RB1: variants seen among roughly 807,000 people sequenced by gnomAD.
The protein encoded by RB1 is RB transcriptional corepressor 1.
RB1 carries 18 observed loss-of-function variants against 135.4 expected under a neutral mutation model. The ratio of observed to expected loss-of-function variants is 0.13; its 90% confidence interval spans 0.09 to 0.20. RB1 has a LOEUF of 0.20. RB1 is among the 10% of genes least tolerant of loss of function. The pLI is 1.00. For missense variants in RB1, 868 were observed against 1,110.0 expected (o/e 0.78, Z 3.10); for synonymous variants, 365 against 373.2 (o/e 0.98, Z 0.25).
intron 2 of RB1, chr13:48,318,405 T>C: frequency 6.7e-7 from 1 of 1,501,932 alleles, no homozygotes; most frequent in Non-Finnish European, 9.1e-7. Flanking sequence ...GATGGCCGTG[T>C]CCAGGTCCTC....
At chr13:48,458,518 C>A (rs1400249970) in intron 19 of RB1, among the ~76,000 whole-genome samples, 1 of 152,128 alleles carries the variant, frequency 6.6e-6, no homozygotes, top group Non-Finnish European at 1.5e-5. Context: ...TCGTTCCCAA[C>A]CAGCAGAATC....
At chr13:48,348,294 A>T (rs976738383) in intron 5 of RB1, among the ~76,000 whole-genome samples, 1 of 151,936 alleles carries the variant, frequency 6.6e-6, no homozygotes, top group African/African-American at 2.4e-5. Context: ...GCCCATGTAG[A>T]GCTCCAGAGT....
intron 23 of RB1, among the ~76,000 whole-genome samples, chr13:48,466,335 G>A (rs2138348216): frequency 1.6e-5 from 1 of 64,224 alleles, no homozygotes; most frequent in East Asian, 6.0e-4. Context: ...CAACAGACCT[G>A]CAGCTGAGGG....
chr13:48,340,213 G>T lies in RB1; in HGVS notation c.265-2386G>T, dbSNP rs1952430277. Among the ~76,000 whole-genome samples the T allele has an allele frequency of 2.0e-5, 3 of 151,998 alleles. No individual in the cohort carries two copies. In the South Asian group the frequency reaches 6.2e-4, roughly 32 times the overall value. On this transcript the variant is annotated intron_variant, in intron 2 of 26. Transcript: ENST00000267163. ...CATAGGAGAAAGTCTTAATGAGCTT[G>T]GGTTAGGCAAAGATTTCATAGATAC... is the stretch of plus-strand genomic sequence containing the variant.
At chr13:48,335,933 T>TG (rs1566183892) in intron 2 of RB1, among the ~76,000 whole-genome samples, 1 of 150,948 alleles carries the variant, frequency 6.6e-6, no homozygotes, top group African/African-American at 2.4e-5. Context: ...AAGAGAATGG[T>TG]GGGAAAAAAG....
intron 26 of RB1, among the ~76,000 whole-genome samples, chr13:48,479,138 G>GAA (rs1252561242): frequency 6.6e-6 from 1 of 151,816 alleles, no homozygotes; most frequent in African/African-American, 2.4e-5. Context: ...TGAGGTGAGA[G>GAA]AATTGCTTGA....
At chr13:48,457,146 T>G (rs1949365517) in intron 19 of RB1, among the ~76,000 whole-genome samples, 1 of 152,178 alleles carries the variant, frequency 6.6e-6, no homozygotes, top group Non-Finnish European at 1.5e-5. Context: ...GGAGATTTAT[T>G]GAGCAATAGA....
chr13:48,416,458 G>T (rs1381639909), intron 17 of RB1: 1 of 152,464 alleles, frequency 6.6e-6, no homozygotes, highest in Non-Finnish European at 1.5e-5. Flanking sequence ...ATTCCCTCGG[G>T]TGCCTACACC....
intron 10 of RB1, 61 bp downstream of exon 10, chr13:48,367,664 A>C: frequency 6.4e-7 from 1 of 1,551,510 alleles, no homozygotes; most frequent in South Asian, 1.1e-5. Context: ...TGATATAGGT[A>C]GATTATATAG....
At chr13:48,458,029 A>G (rs1027809647) in intron 19 of RB1, among the ~76,000 whole-genome samples, 1 of 152,142 alleles carries the variant, frequency 6.6e-6, no homozygotes, top group African/African-American at 2.4e-5. Context: ...GAGCACAGGG[A>G]TGCCTGGGTC....
chr13:48,317,379 CAG>C (rs1348051702), intron 2 of RB1: 2 of 378,416 alleles, frequency 5.3e-6, no homozygotes, highest in African/African-American at 2.1e-5. Context: ...TTTCCGAGCG[CAG>C]CGCGCACGGG....
chr13:48,400,718 T>A (rs151164259), intron 17 of RB1, among the ~76,000 whole-genome samples: 1 of 152,130 alleles, frequency 6.6e-6, no homozygotes, highest in Non-Finnish European at 1.5e-5. Context: ...TCAGGTTTCC[T>A]TGTATGTAAA....
chr13:48,366,429 G>A (rs1952699006), intron 9 of RB1, among the ~76,000 whole-genome samples: 1 of 152,156 alleles, frequency 6.6e-6, no homozygotes, highest in Non-Finnish European at 1.5e-5. Context: ...GAAGATTAAT[G>A]AAAAGTTTGC....
intron 6 of RB1, among the ~76,000 whole-genome samples, chr13:48,356,067 G>A (rs1488412011): frequency 6.6e-6 from 1 of 151,976 alleles, no homozygotes; most frequent in Non-Finnish European, 1.5e-5. Context: ...GAGTGTAATT[G>A]GATTGTTTGT....
intron 2 of RB1, among the ~76,000 whole-genome samples, chr13:48,309,331 G>A (rs1005407062): frequency 4.6e-5 from 7 of 152,084 alleles, no homozygotes; most frequent in Non-Finnish European, 7.4e-5. Context: ...TTAACACAGC[G>A]GAATGTGTTT....
chr13:48,392,812 ATTTT>A (rs1948621442), intron 17 of RB1, among the ~76,000 whole-genome samples: 1 of 149,352 alleles, frequency 6.7e-6, no homozygotes, highest in Non-Finnish European at 1.5e-5. Context: ...CTGCTTGGTG[ATTTT>A]TTTGTTAGGT....
intron 2 of RB1, chr13:48,328,230 T>C: frequency 6.9e-7 from 1 of 1,452,230 alleles, no homozygotes; most frequent in East Asian, 2.3e-5. Flanking sequence ...CATCCTCATC[T>C]TTGCTTCTGG....
Position 48,364,815 on chromosome 13 carries a change from A to G in RB1, c.862-79A>G, listed in dbSNP as rs527423653. On this transcript the variant is annotated intron_variant, in intron 8 of 26. Coordinates refer to ENST00000267163, the MANE Select transcript of RB1 (RefSeq NM_000321.3). ...CATGGGGGATTGACACCTCTAACTT[A>G]CCCTGCATTGTTCAAGAGTCAAGAG... The G allele has an allele frequency of 7.6e-5, 113 of 1,491,378 alleles. 2 individuals carry two copies. The South Asian group carries it at 1.3e-3, about 18-fold the overall frequency. 92.4% of individuals were successfully genotyped at this position (1,491,378 alleles called of 1,614,324 possible). A position where few individuals can be genotyped will look rare whatever the true frequency, so the allele number is the denominator to read the frequency against.
At chr13:48,353,763 T>G (rs1202017823) in intron 6 of RB1, among the ~76,000 whole-genome samples, 1 of 152,162 alleles carries the variant, frequency 6.6e-6, no homozygotes, top group Non-Finnish European at 1.5e-5. Flanking sequence ...GTGGGATTTA[T>G]CCCTGCAATG....
Sources: allele counts gnomAD v4.1 joint callset (sites outside exome capture counted in the v4.1 genomes callset), GRCh38; gene constraint gnomAD v4.1.1; transcripts MANE v1.5; gene names NCBI Gene and HGNC (gene_info 2026-07-23, HGNC 2026-07-21).